Variants in AGBL1 observed in about 807,000 individuals in gnomAD.
AGBL1 encodes cytosolic carboxypeptidase 4.
In AGBL1, 130 loss-of-function variants were observed where a neutral mutation model predicts 118.9. The ratio of observed to expected loss-of-function variants is 1.09; its 90% confidence interval spans 0.95 to 1.26. AGBL1 has a LOEUF of 1.26. Among genes scored for constraint, AGBL1 ranks in the 50% most tolerant of loss-of-function variants. AGBL1 has a pLI of 0.00. For synonymous variants in AGBL1, 555 were observed against 478.9 expected, an observed-to-expected ratio of 1.16 and a Z score of -2.08; for missense variants, 1,584 against 1,298.1, an observed-to-expected ratio of 1.22 and a Z score of -3.38.
intron 23 of AGBL1, among the ~76,000 whole-genome samples, chr15:86,959,861 T>C (rs560389489): frequency 1.3e-5 from 2 of 152,188 alleles, no homozygotes; most frequent in African/African-American, 4.8e-5. Flanking sequence ...CAGATTTAGC[T>C]TAACAAGTGG....
intron 18 of AGBL1, among the ~76,000 whole-genome samples, chr15:86,480,244 T>C (rs1395859382): frequency 3.3e-5 from 5 of 152,098 alleles, no homozygotes; most frequent in Admixed American, 6.5e-5. Flanking sequence ...AGAGTAACTA[T>C]GTGAAGTGAT....
At chr15:86,984,097 A>T (rs1228145681) in intron 23 of AGBL1, among the ~76,000 whole-genome samples, 1 of 152,114 alleles carries the variant, frequency 6.6e-6, no homozygotes, top group Non-Finnish European at 1.5e-5. Context: ...TTTAACTTTA[A>T]AACATTCCCA....
intron 19 of AGBL1, 100 bp downstream of exon 19, chr15:86,523,039 A>G: frequency 7.2e-7 from 1 of 1,397,876 alleles, no homozygotes; most frequent in South Asian, 1.2e-5. Context: ...AATGACCAAA[A>G]ACCTATGTAT....
intron 22 of AGBL1, among the ~76,000 whole-genome samples, chr15:86,888,012 A>ATC (rs1225832688): frequency 6.6e-6 from 1 of 152,128 alleles, no homozygotes; most frequent in Non-Finnish European, 1.5e-5. Flanking sequence ...TAGAGTTACA[A>ATC]TCTCTCACCA....
chr15:86,768,637 A>G (rs2078129800), intron 22 of AGBL1, among the ~76,000 whole-genome samples: 1 of 151,934 alleles, frequency 6.6e-6, no homozygotes, highest in African/African-American at 2.4e-5. Flanking sequence ...CTAGTGATCA[A>G]CTGGCTCTTG....
intron 22 of AGBL1, among the ~76,000 whole-genome samples, chr15:86,817,250 C>T (rs56013114): frequency 2.8e-5 from 4 of 144,554 alleles, no homozygotes; most frequent in Non-Finnish European, 4.5e-5. Flanking sequence ...CAAGATAGTG[C>T]GATTGTACTC....
intron 21 of AGBL1, among the ~76,000 whole-genome samples, chr15:86,628,865 CAAATA>C (rs2084925937): frequency 2.0e-5 from 3 of 151,974 alleles, no homozygotes; most frequent in Admixed American, 2.0e-4. Flanking sequence ...GTACAATTGA[CAAATA>C]AAATGTATAC....
At chr15:86,874,307 C>T (rs907845509) in intron 22 of AGBL1, among the ~76,000 whole-genome samples, 1 of 151,686 alleles carries the variant, frequency 6.6e-6, no homozygotes, top group African/African-American at 2.4e-5. Flanking sequence ...AATTATGGTG[C>T]TATGCTTCTC....
At chr15:86,286,695 A>G (rs551767992) in intron 16 of AGBL1, among the ~76,000 whole-genome samples, 26 of 120,140 alleles carry the variant, frequency 2.2e-4, no homozygotes, top group Non-Finnish European at 3.4e-4. Context: ...GTATATATAT[A>G]TGTGTGTGTG....
At chr15:86,643,105 A>G (rs1567099370) in intron 21 of AGBL1, among the ~76,000 whole-genome samples, 1 of 152,130 alleles carries the variant, frequency 6.6e-6, no homozygotes, top group Non-Finnish European at 1.5e-5. Flanking sequence ...TGGCTGCAGC[A>G]ATTTCAGTCA....
chr15:86,307,532 G>T (rs1015759061), intron 17 of AGBL1, among the ~76,000 whole-genome samples: 2 of 152,050 alleles, frequency 1.3e-5, no homozygotes, highest in South Asian at 4.2e-4. Flanking sequence ...TACAGATGAT[G>T]GAAGTAAGAC....
chr15:86,405,447 C>T (rs181705905), intron 18 of AGBL1, among the ~76,000 whole-genome samples: 16 of 151,812 alleles, frequency 1.1e-4, no homozygotes, highest in African/African-American at 3.1e-4. Context: ...ACCTGGGAGG[C>T]GGAGCTTGCA....
intron 22 of AGBL1, among the ~76,000 whole-genome samples, chr15:86,859,216 G>A (rs948997756): frequency 2.6e-5 from 4 of 152,180 alleles, no homozygotes; most frequent in African/African-American, 4.8e-5. Flanking sequence ...GATGTTTCCA[G>A]CACAACTGAT....
At chr15:86,759,902 C>T (rs554596531) in intron 22 of AGBL1, among the ~76,000 whole-genome samples, 1 of 152,042 alleles carries the variant, frequency 6.6e-6, no homozygotes, top group Non-Finnish European at 1.5e-5. Context: ...ATCACCTTTC[C>T]TAGAGCAGAG....
intron 21 of AGBL1, among the ~76,000 whole-genome samples, chr15:86,665,298 TTTAA>T (rs2085624299): frequency 6.6e-6 from 1 of 151,958 alleles, no homozygotes; most frequent in African/African-American, 2.4e-5. Flanking sequence ...ACGCCAAGAG[TTTAA>T]TTAAACACTA....
At chr15:86,663,987 G>T (rs1420597085) in intron 21 of AGBL1, among the ~76,000 whole-genome samples, 4 of 152,130 alleles carry the variant, frequency 2.6e-5, no homozygotes, top group Non-Finnish European at 4.4e-5. Context: ...GTCTGCTGTG[G>T]TCATTCATGG....
chr15:86,418,145 T>G (rs1180473666), intron 18 of AGBL1, among the ~76,000 whole-genome samples: 1 of 152,236 alleles, frequency 6.6e-6, no homozygotes, highest in African/African-American at 2.4e-5. Flanking sequence ...ACTTCAGAGC[T>G]GACAAGAATT....
chr15:86,766,860 C>G (rs2078103325), intron 22 of AGBL1, among the ~76,000 whole-genome samples: 1 of 151,884 alleles, frequency 6.6e-6, no homozygotes, highest in Non-Finnish European at 1.5e-5. Flanking sequence ...TCTACACACA[C>G]ACACACACAC....
intron 22 of AGBL1, among the ~76,000 whole-genome samples, chr15:86,741,925 T>C (rs951961303): frequency 9.9e-5 from 15 of 152,136 alleles, no homozygotes; most frequent in Non-Finnish European, 2.2e-4. Context: ...TTTCAGTTTT[T>C]CTCTATTCCT....
Sources: gnomAD v4.1 joint callset for allele counts (sites outside exome capture counted in the v4.1 genomes callset) on GRCh38, gnomAD v4.1.1 for gene constraint, MANE v1.5 for transcripts, NCBI Gene and HGNC (gene_info 2026-07-23, HGNC 2026-07-21) for gene names.